Variants in GALNT8 observed in about 807,000 individuals in gnomAD.
The protein encoded by GALNT8 is polypeptide N-acetylgalactosaminyltransferase 8.
Under a neutral mutation model 62.7 loss-of-function variants are expected in GALNT8, and 66 were observed. That is an observed-to-expected ratio of 1.05 (90% CI 0.86 to 1.29). GALNT8 has a LOEUF of 1.29. Ranked by LOEUF, GALNT8 falls within the 50% of genes most tolerant of loss-of-function variation. GALNT8 has a pLI of 0.00. For synonymous variants in GALNT8, 288 were observed against 294.3 expected, an observed-to-expected ratio of 0.98 and a Z score of 0.22; for missense variants, 771 against 791.8, an observed-to-expected ratio of 0.97 and a Z score of 0.32.
intron 6 of GALNT8, among the ~76,000 whole-genome samples, chr12:4,750,609 G>A (rs1042292870): frequency 2.0e-5 from 3 of 152,092 alleles, no homozygotes; most frequent in Non-Finnish European, 4.4e-5. Context: ...CATTTAGGTT[G>A]ATTTCATGTC....
chr12:4,726,968 A>G lies in GALNT8; in HGVS notation c.509+139A>G, dbSNP rs542046066. 18 of 675,146 alleles carry G rather than the reference A, an allele frequency of 2.7e-5. No individual in the cohort carries two copies. The highest frequency in any genetic ancestry group is 5.7e-5 in the Admixed American group (2 of 35,072). The allele number at this position is 675,146 out of a possible 1,614,324, so 41.8% of individuals were successfully genotyped here. On this transcript the variant is annotated intron_variant, in intron 2 of 10. Transcript: ENST00000252318. The surrounding 1 kb of genome is among the most constrained non-coding windows in gnomAD (Gnocchi z 4.1). ...AGGCTGAGCAAAGTTGTTGTTTTCA[A>G]TTTATTTTATAATGACAGCTCAGAG...
At chr12:4,751,264 A>G (rs953982951) in intron 6 of GALNT8, among the ~76,000 whole-genome samples, 5 of 152,188 alleles carry the variant, frequency 3.3e-5, no homozygotes, top group African/African-American at 1.2e-4. Flanking sequence ...AACAAAAGGA[A>G]AAATGGACAA....
intron 6 of GALNT8, among the ~76,000 whole-genome samples, chr12:4,756,885 G>A (rs191461620): frequency 2.1e-4 from 32 of 152,238 alleles, no homozygotes; most frequent in South Asian, 4.2e-4. Context: ...CTTTGTGTCC[G>A]CACTCATATC....
intron 9 of GALNT8, among the ~76,000 whole-genome samples, chr12:4,764,966 G>GA (rs930390747): frequency 1.3e-5 from 2 of 151,460 alleles, no homozygotes; most frequent in African/African-American, 4.9e-5. Context: ...GCACTTAGTT[G>GA]AAAAAATGGA....
intron 9 of GALNT8, among the ~76,000 whole-genome samples, 154 bp downstream of exon 9, chr12:4,764,201 T>G (rs1294236787): frequency 2.0e-5 from 3 of 152,234 alleles, no homozygotes; most frequent in Non-Finnish European, 4.4e-5. Context: ...CACTTGTAAC[T>G]GAGCACGTCT....
chr12:4,732,137 A>G (rs111351604), intron 2 of GALNT8, among the ~76,000 whole-genome samples: 23 of 152,314 alleles, frequency 1.5e-4, no homozygotes, highest in African/African-American at 4.6e-4. Context: ...GAAAATCCCA[A>G]TGTAAGAATA....
chr12:4,739,468 C>T (rs1946261314), intron 3 of GALNT8, 139 bp downstream of exon 3: 1 of 627,668 alleles, frequency 1.6e-6, no homozygotes. Context: ...TGTTAAGGGT[C>T]TATTTGTGCT....
chr12:4,721,756 T>C (rs1399951660), intron 1 of GALNT8, among the ~76,000 whole-genome samples: 1 of 152,250 alleles, frequency 6.6e-6, no homozygotes, highest in African/African-American at 2.4e-5. Flanking sequence ...CCTCTTTTAC[T>C]AATCCTCCTC....
Position 4,726,900 on chromosome 12 carries a change from C to A in GALNT8, c.509+71C>A. 1 of 1,324,442 alleles carries A rather than the reference C, an allele frequency of 7.6e-7. No individual in the cohort carries two copies. Among genetic ancestry groups the A allele is most frequent in the Non-Finnish European group, 1.0e-6 (1 of 954,934 alleles). The allele number at this position is 1,324,442 out of a possible 1,614,324, so 82.0% of individuals were successfully genotyped here. On this transcript the variant is annotated intron_variant, in intron 2 of 10. Coordinates refer to ENST00000252318, the MANE Select transcript of GALNT8 (RefSeq NM_017417.2). This position sits in a 1 kb window ranked among gnomAD's most constrained non-coding sequence, Gnocchi z 4.1. ...GAGGATGAGCTTTGGGAGCAGTGAACATTGAAGGCTGGGGGAGTGGGGGAT... is the reference window on the plus strand; with the variant it reads ...GAGGATGAGCTTTGGGAGCAGTGAAAATTGAAGGCTGGGGGAGTGGGGGAT...
intron 2 of GALNT8, among the ~76,000 whole-genome samples, chr12:4,733,845 C>T (rs1946231375): frequency 6.6e-6 from 1 of 152,170 alleles, no homozygotes; most frequent in South Asian, 2.1e-4. Flanking sequence ...GACTGTTCTT[C>T]TGAGGCTCCA....
intron 6 of GALNT8, among the ~76,000 whole-genome samples, chr12:4,748,395 G>A (rs531721195): frequency 1.3e-5 from 2 of 152,162 alleles, no homozygotes; most frequent in South Asian, 4.1e-4. Context: ...TTTTATTTTT[G>A]TATATGGTGA....
At position 4,726,591 on chromosome 12, in the gene GALNT8, G is replaced by C; in HGVS notation, c.271G>C (p.Ala91Pro). 1 of 1,613,628 alleles carries C rather than the reference G, an allele frequency of 6.2e-7. No individual in the cohort carries two copies. The highest frequency in any genetic ancestry group is 8.5e-7 in the Non-Finnish European group (1 of 1,179,576). The part of the protein sequence containing the change: ...QENVNSTLKR[A>P]KDEVRPLLKA... Reference sequence around the variant, plus strand: ...AAATGTGAACAGCACACTGAAGAGGGCGAAAGATGAAGTACGCCCTCTTCT... The same window carrying C: ...AAATGTGAACAGCACACTGAAGAGGCCGAAAGATGAAGTACGCCCTCTTCT... Residue 91 changes from alanine (A) to proline (P), a missense_variant, in exon 2 of 11, where the codon GCG (alanine) becomes CCG (proline). Physicochemically the swap from Ala to Pro is conservative, Grantham distance 27. Transcript: ENST00000252318. The surrounding 1 kb of genome is among the most constrained non-coding windows in gnomAD (Gnocchi z 4.1).
chr12:4,765,345 C>G, intron 9 of GALNT8, 34 bp from the exon 10 acceptor site: 2 of 1,477,496 alleles, frequency 1.4e-6, no homozygotes, highest in Non-Finnish European at 1.8e-6. Flanking sequence ...CTATGGTGAG[C>G]CCTCTGCTTT....
intron 7 of GALNT8, among the ~76,000 whole-genome samples, 193 bp downstream of exon 7, chr12:4,761,336 T>G (rs533398788): frequency 6.6e-6 from 1 of 152,340 alleles, no homozygotes; most frequent in South Asian, 2.1e-4. Flanking sequence ...TTCTATATAT[T>G]AACTTATTAG....
intron 2 of GALNT8, among the ~76,000 whole-genome samples, chr12:4,729,348 T>TCGTA (rs1354702799): frequency 6.6e-6 from 1 of 152,168 alleles, no homozygotes; most frequent in Non-Finnish European, 1.5e-5. Context: ...AGTCACCATG[T>TCGTA]CGTACAATAC....
intron 3 of GALNT8, among the ~76,000 whole-genome samples, chr12:4,742,642 C>T (rs1946277172): frequency 1.3e-5 from 2 of 151,968 alleles, no homozygotes; most frequent in Non-Finnish European, 1.5e-5. Context: ...AAGGAGGGTT[C>T]CTGGAGGAGG....
chr12:4,772,464 G>A lies in GALNT8; in HGVS notation c.1781G>A (p.Arg594Lys). The A allele has an allele frequency of 6.2e-7, 1 of 1,613,902 alleles. No homozygotes were observed. Among genetic ancestry groups the A allele is most frequent in the Non-Finnish European group, 8.5e-7 (1 of 1,179,954 alleles). ...DFKPGGAVIN[R>K]DTKRCLEMKK... Reference sequence around the variant, plus strand: ...CTCCAGGGAGGAGCTGTCATAAACAGAGATACCAAGCGGTGTCTGGAGATG... The same window carrying A: ...CTCCAGGGAGGAGCTGTCATAAACAAAGATACCAAGCGGTGTCTGGAGATG... The change falls in exon 11 of 11, where the codon AGA (arginine) becomes AAA (lysine). Residue 594 changes from arginine (R) to lysine (K), a missense_variant. By Grantham distance (26) the Arg-to-Lys change is conservative. Coordinates refer to ENST00000252318, the MANE Select transcript of GALNT8 (RefSeq NM_017417.2).
At chr12:4,744,468 C>T (rs1356456237) in intron 3 of GALNT8, 49 bp from the exon 4 acceptor site, 11 of 1,334,620 alleles carry the variant, frequency 8.2e-6, no homozygotes, top group Admixed American at 2.1e-5. Flanking sequence ...TTTTGTATCA[C>T]GTTGATTGTT....
chr12:4,746,136 C>G lies in GALNT8; in HGVS notation c.1059-8C>G. ...AGAGATTAGTGACTCTTGCTGTGTG[C>G]TCTGTAGGAGTCCTTCAATCATGGG... On this transcript the variant is annotated splice_region_variant and splice_polypyrimidine_tract_variant and intron_variant, in intron 5 of 10. Coordinates refer to ENST00000252318, the MANE Select transcript of GALNT8 (RefSeq NM_017417.2). 6.6e-7 allele frequency: 1 copy of G among 1,522,430 alleles called. No homozygotes were observed. The highest frequency in any genetic ancestry group is 9.1e-7 in the Non-Finnish European group (1 of 1,096,392). 94.3% of individuals were successfully genotyped at this position (1,522,430 alleles called of 1,614,324 possible).
Sources: gnomAD v4.1 joint callset for allele counts (sites outside exome capture counted in the v4.1 genomes callset) on GRCh38, gnomAD v4.1.1 for gene constraint, Gnocchi (gnomAD v3.1) non-coding constraint, MANE v1.5 for transcripts, NCBI Gene and HGNC (gene_info 2026-07-23, HGNC 2026-07-21) for gene names.